The following KIAA1958 variants were observed in gnomAD, a reference collection of about 807,000 sequenced individuals.
KIAA1958 encodes the protein uncharacterized protein KIAA1958.
In KIAA1958, 14 loss-of-function variants were observed where a neutral mutation model predicts 47.2. The observed-to-expected ratio is 0.30, with a 90% CI of 0.20 to 0.46. The LOEUF is 0.46. Among genes scored for constraint, KIAA1958 ranks in the 20% least tolerant of loss-of-function variants. The pLI is 1.00. For missense variants in KIAA1958, 803 were observed against 909.2 expected, an observed-to-expected ratio of 0.88 and a Z score of 1.50; for synonymous variants, 354 against 353.3, an observed-to-expected ratio of 1.00 and a Z score of -0.02.
intron 2 of KIAA1958, among the ~76,000 whole-genome samples, chr9:112,604,497 C>A (rs748950984): frequency 6.6e-6 from 1 of 152,152 alleles, no homozygotes; most frequent in East Asian, 1.9e-4. Context: ...GCAAGAAATA[C>A]AACCTTTCAT....
chr9:112,519,921 C>T (rs539462355), intron 1 of KIAA1958, among the ~76,000 whole-genome samples: 2 of 151,872 alleles, frequency 1.3e-5, no homozygotes, highest in East Asian at 1.9e-4. Flanking sequence ...GATATAAATA[C>T]ATCAGCTTGT....
At chr9:112,508,418 A>C (rs1554719940) in intron 1 of KIAA1958, among the ~76,000 whole-genome samples, 1 of 152,270 alleles carries the variant, frequency 6.6e-6, no homozygotes, top group Non-Finnish European at 1.5e-5. Context: ...TTCTAAGGGA[A>C]TAAAGAGGGA....
chr9:112,488,817 A>G (rs930560115), intron 1 of KIAA1958, among the ~76,000 whole-genome samples: 5 of 152,236 alleles, frequency 3.3e-5, no homozygotes, highest in African/African-American at 9.6e-5. Flanking sequence ...AAAGTTTAGT[A>G]TGCTTAAAAT....
In KIAA1958 at chr9:112,591,538, T is replaced by G. The variant is rs558772839; in HGVS notation, c.1171+16287T>G. On this transcript the variant is annotated intron_variant, in intron 2 of 3. Transcript: ENST00000337530. ...AAGTATTTATTTTTAATTCAATATT[T>G]GATAAGTGGATTTTTTTTTAAGGAA... 2.4e-4 allele frequency among the ~76,000 whole-genome samples: 37 copies of G among 152,326 alleles called. 1 individual carries two copies. In the South Asian group the frequency reaches 4.6e-3, roughly 19 times the overall value.
chr9:112,661,369 C>G lies in KIAA1958; in HGVS notation c.*1300C>G, dbSNP rs1312288193. 6.6e-6 allele frequency: 1 copy of G among 152,162 alleles called. No individual in the cohort carries two copies. The highest frequency in any genetic ancestry group is 1.9e-4 in the East Asian group (1 of 5,202). The allele number at this position is 152,162 out of a possible 1,614,324, so 9.4% of individuals were successfully genotyped here. ...TGCAACAACAAGTGAAAAAGGAGCT[C>G]AAAGAGTGCTCATTAAGAGTAACAA... is the stretch of plus-strand genomic sequence containing the variant. On this transcript the variant is annotated 3_prime_UTR_variant, in exon 4 of 4. Transcript: ENST00000337530.
At position 112,659,358 on chromosome 9, in the gene KIAA1958, TATTCG is replaced by T; in HGVS notation, c.1441_1445del (p.Ile481ProfsTer37). ...ACTTCCTGGCCACCTCGCTCCATGC[TATTCG>T]CCGAGGCCTGGACCGCATCCTGAAG... On this transcript the variant is annotated frameshift_variant, in exon 4 of 4. Transcript: ENST00000337530. LOFTEE classifies it high-confidence loss of function. 6.2e-7 allele frequency: 1 copy of T among 1,614,166 alleles called. No individual in the cohort carries two copies. The highest frequency in any genetic ancestry group is 8.5e-7 in the Non-Finnish European group (1 of 1,180,030).
At chr9:112,591,078 A>G (rs1209181651) in intron 2 of KIAA1958, among the ~76,000 whole-genome samples, 1 of 151,952 alleles carries the variant, frequency 6.6e-6, no homozygotes, top group Non-Finnish European at 1.5e-5. Context: ...TTACTTGGTG[A>G]TGGTTTAGCT....
intron 1 of KIAA1958, among the ~76,000 whole-genome samples, chr9:112,501,994 C>A (rs1369846862): frequency 2.6e-5 from 4 of 152,166 alleles, no homozygotes; most frequent in African/African-American, 4.8e-5. Flanking sequence ...TGTTCAGCCT[C>A]CATGATAATC....
chr9:112,618,616 C>T lies in KIAA1958; in HGVS notation c.1172-27034C>T, dbSNP rs747524964. 14 of 1,550,572 alleles carry T rather than the reference C, an allele frequency of 9.0e-6. No homozygotes were observed. The highest frequency in any genetic ancestry group is 1.2e-5 in the South Asian group (1 of 84,070). On this transcript the variant is annotated intron_variant, in intron 2 of 3. Transcript: ENST00000337530. This position sits in a 1 kb window ranked among gnomAD's most constrained non-coding sequence, Gnocchi z 7.1. ...TGCGCTACGAGGATGCCCCTTTCTA[C>T]TTATCCATCAAGCCAGTCGTGAACC...
Position 112,665,856 on chromosome 9 carries a change from C to CA in KIAA1958, c.*5788dup, listed in dbSNP as rs1484329412. 1 of 152,242 alleles carries CA rather than the reference C, an allele frequency of 6.6e-6. No individual in the cohort carries two copies. Among genetic ancestry groups the CA allele is most frequent in the Non-Finnish European group, 1.5e-5 (1 of 68,034 alleles). 9.4% of individuals were successfully genotyped at this position (152,242 alleles called of 1,614,324 possible). On this transcript the variant is annotated 3_prime_UTR_variant, in exon 4 of 4. Coordinates refer to ENST00000337530, the MANE Select transcript of KIAA1958 (RefSeq NM_133465.4). ...GCTGCACCTGTTTTGACATTGGACTCACTGCTTAAAAAGTAAAGGAGTTCC... is the reference window on the plus strand; with the variant it reads ...GCTGCACCTGTTTTGACATTGGACTCAACTGCTTAAAAAGTAAAGGAGTTCC...
chr9:112,625,271 C>T lies in KIAA1958; in HGVS notation c.1172-20379C>T, dbSNP rs1203794731. ...GGCTCAAGCAATCCTCCCAACTCAA[C>T]CTCCCAAGTAGCTGGGACTCCCGGT... On this transcript the variant is annotated intron_variant, in intron 2 of 3. Transcript: ENST00000337530. 2.0e-5 allele frequency among the ~76,000 whole-genome samples: 3 copies of T among 152,274 alleles called. No individual in the cohort carries two copies. In the South Asian group the frequency reaches 6.2e-4, roughly 32 times the overall value.
At chr9:112,654,671 T>G (rs1034889768) in intron 3 of KIAA1958, among the ~76,000 whole-genome samples, 4 of 147,590 alleles carry the variant, frequency 2.7e-5, no homozygotes, top group African/African-American at 7.6e-5. Flanking sequence ...AGTAGGGAGT[T>G]GCAAGTGACA....
At chr9:112,504,350 A>C (rs1185602562) in intron 1 of KIAA1958, among the ~76,000 whole-genome samples, 1 of 151,886 alleles carries the variant, frequency 6.6e-6, no homozygotes, top group Non-Finnish European at 1.5e-5. Flanking sequence ...CACTACCCCC[A>C]GCTAATTTTT....
chr9:112,577,159 T>C (rs1389450046), intron 2 of KIAA1958, among the ~76,000 whole-genome samples: 1 of 152,196 alleles, frequency 6.6e-6, no homozygotes, highest in Admixed American at 6.5e-5. Flanking sequence ...TTTTGAGAAA[T>C]ATCTACTCAA....
At chr9:112,568,935 C>CAAAAAAAAAAAAAAAAAAAA (rs1835481168) in intron 1 of KIAA1958, among the ~76,000 whole-genome samples, 1 of 2,856 alleles carries the variant, frequency 3.5e-4, no homozygotes, top group Non-Finnish European at 6.3e-4. Context: ...AATAGGAAAA[C>CAAAAAAAAAAAAAAAAAAAA]TAAAAAAAAA....
intron 2 of KIAA1958, among the ~76,000 whole-genome samples, chr9:112,609,376 AGTT>A (rs1836286421): frequency 1.3e-5 from 2 of 152,224 alleles, no homozygotes; most frequent in African/African-American, 4.8e-5. Flanking sequence ...ATACTAGTAT[AGTT>A]TAAAGGACAT....
chr9:112,511,790 C>T (rs75100457), intron 1 of KIAA1958, among the ~76,000 whole-genome samples: 1 of 151,860 alleles, frequency 6.6e-6, no homozygotes, highest in Non-Finnish European at 1.5e-5. Flanking sequence ...CCAGACTGAT[C>T]GAAAATTAGG....
At chr9:112,564,041 G>T (rs913920564) in intron 1 of KIAA1958, among the ~76,000 whole-genome samples, 1 of 152,072 alleles carries the variant, frequency 6.6e-6, no homozygotes, top group East Asian at 1.9e-4. Context: ...CTCACGTTTT[G>T]TAAAGGATTT....
rs770232429 is a variant in KIAA1958 at position 112,667,976 on chromosome 9, GAA to G, written c.*7908_*7909del. The stretch of plus-strand genomic sequence containing the variant: ...AGAAGCTACATATCTAAAAGCACCC[GAA>G]GTCCTCATATGAATAGGCTAAATTA... On this transcript the variant is annotated 3_prime_UTR_variant, in exon 4 of 4. Coordinates refer to ENST00000337530, the MANE Select transcript of KIAA1958 (RefSeq NM_133465.4). The G allele has an allele frequency of 8.2e-6, 1 of 122,178 alleles. No individual in the cohort carries two copies. Among genetic ancestry groups the G allele is most frequent in the African/African-American group, 3.5e-5 (1 of 28,872 alleles). 7.6% of individuals were successfully genotyped at this position (122,178 alleles called of 1,614,324 possible). A position where few individuals can be genotyped will look rare whatever the true frequency, so the allele number is the denominator to read the frequency against.
Sources: gnomAD v4.1 joint callset for allele counts (sites outside exome capture counted in the v4.1 genomes callset) on GRCh38, gnomAD v4.1.1 for gene constraint, Gnocchi (gnomAD v3.1) non-coding constraint, MANE v1.5 for transcripts, NCBI Gene and HGNC (gene_info 2026-07-23, HGNC 2026-07-21) for gene names.